The following KCMF1 variants were observed in gnomAD, a reference collection of about 807,000 sequenced individuals.
KCMF1 encodes E3 ubiquitin-protein ligase KCMF1.
In KCMF1, 3 loss-of-function variants were observed where a neutral mutation model predicts 41.1. The observed-to-expected ratio is 0.07, with a 90% CI of 0.03 to 0.19. The LOEUF is 0.19. KCMF1 is among the 10% of genes least tolerant of loss of function. KCMF1 has a pLI of 1.00. For synonymous variants in KCMF1, 142 were observed against 164.5 expected, an observed-to-expected ratio of 0.86 and a Z score of 1.04; for missense variants, 286 against 488.9, an observed-to-expected ratio of 0.58 and a Z score of 3.91.
chr2:85,015,324 T>C (rs1674744718), intron 1 of KCMF1, among the ~76,000 whole-genome samples: 1 of 152,144 alleles, frequency 6.6e-6, no homozygotes, highest in Admixed American at 6.5e-5. Flanking sequence ...TCCCAGGCAC[T>C]CTTTATCCAC....
chr2:85,050,191 A>G (rs543789149), intron 6 of KCMF1, among the ~76,000 whole-genome samples: 24 of 152,302 alleles, frequency 1.6e-4, no homozygotes, highest in Admixed American at 4.6e-4. Context: ...ATATATCATC[A>G]TATAATATGA....
chr2:85,017,234 G>A lies in KCMF1; in HGVS notation c.17-10655G>A, dbSNP rs1174315655. 2.6e-5 allele frequency among the ~76,000 whole-genome samples: 4 copies of A among 151,676 alleles called. No individual in the cohort carries two copies. The South Asian group carries it at 6.3e-4, about 24-fold the overall frequency. ...GTAGAGACGGGGTTTCACCTTGTTA[G>A]CCAGGATGGTCTCGATCTCCTGACC... On this transcript the variant is annotated intron_variant, in intron 1 of 6. Coordinates refer to ENST00000409785, the MANE Select transcript of KCMF1 (RefSeq NM_020122.5).
At chr2:85,006,043 G>C (rs1014965430) in intron 1 of KCMF1, among the ~76,000 whole-genome samples, 16 of 152,034 alleles carry the variant, frequency 1.1e-4, no homozygotes, top group African/African-American at 3.4e-4. Flanking sequence ...TCACATATCA[G>C]TTCCTATTTT....
At chr2:85,028,524 C>T (rs1354280150) in intron 2 of KCMF1, among the ~76,000 whole-genome samples, 3 of 108,056 alleles carry the variant, frequency 2.8e-5, no homozygotes, top group African/African-American at 1.1e-4. Context: ...GAGTCTTACC[C>T]TGTCGCCTAG....
intron 3 of KCMF1, among the ~76,000 whole-genome samples, chr2:85,038,304 T>A (rs1358717433): frequency 2.0e-5 from 3 of 152,238 alleles, no homozygotes; most frequent in African/African-American, 7.2e-5. Flanking sequence ...TTGAACAGTA[T>A]GCTCACTCAA....
chr2:85,049,100 A>T (rs1171741834), intron 5 of KCMF1, among the ~76,000 whole-genome samples: 1 of 152,230 alleles, frequency 6.6e-6, no homozygotes, highest in East Asian at 1.9e-4. Flanking sequence ...TTAGTCTATT[A>T]TGCAAATAAT....
intron 1 of KCMF1, among the ~76,000 whole-genome samples, chr2:85,027,366 C>CTTTTTTT (rs934531367): frequency 3.0e-5 from 2 of 65,742 alleles, no homozygotes; most frequent in Non-Finnish European, 5.8e-5. Flanking sequence ...CTTATCAAGG[C>CTTTTTTT]TTTTTTTTTT....
At chr2:84,978,445 A>G (rs564214819) in intron 1 of KCMF1, among the ~76,000 whole-genome samples, 4 of 151,820 alleles carry the variant, frequency 2.6e-5, no homozygotes, top group African/African-American at 7.2e-5. Context: ...CAAAACATCA[A>G]CTTTATGATA....
Position 85,053,174 on chromosome 2 carries a change from C to G in KCMF1, c.911C>G (p.Thr304Arg). 1 of 1,613,626 alleles carries G rather than the reference C, an allele frequency of 6.2e-7. No homozygotes were observed. The highest frequency in any genetic ancestry group is 8.5e-7 in the Non-Finnish European group (1 of 1,179,740). ...TRLNDPKMSE[T>R]ERQSMESERA... ...TTGAATGATCCTAAAATGTCTGAAACGGAGCGCCAGTCCATGGAAAGCGAG... is the reference window on the plus strand; with the variant it reads ...TTGAATGATCCTAAAATGTCTGAAAGGGAGCGCCAGTCCATGGAAAGCGAG... The change falls in exon 7 of 7, where the codon ACG becomes AGG. Residue 304 changes from threonine (T) to arginine (R), a missense_variant. Physicochemically the swap from Thr to Arg is moderately conservative, Grantham distance 71. Coordinates refer to ENST00000409785, the MANE Select transcript of KCMF1 (RefSeq NM_020122.5).
intron 3 of KCMF1, among the ~76,000 whole-genome samples, chr2:85,035,693 G>A (rs1370647796): frequency 6.6e-6 from 1 of 152,118 alleles, no homozygotes; most frequent in Non-Finnish European, 1.5e-5. Context: ...AGTGGCTAAA[G>A]GCCATGGACC....
At chr2:85,052,185 T>G (rs1212631463) in intron 6 of KCMF1, among the ~76,000 whole-genome samples, 1 of 152,198 alleles carries the variant, frequency 6.6e-6, no homozygotes, top group Non-Finnish European at 1.5e-5. Flanking sequence ...TTCTCCTACT[T>G]CAGCCTCCCG....
At chr2:85,022,909 G>A (rs62162797) in intron 1 of KCMF1, among the ~76,000 whole-genome samples, 1 of 95,524 alleles carries the variant, frequency 1.0e-5, no homozygotes, top group East Asian at 3.1e-4. Flanking sequence ...TTTTTTTTGA[G>A]ACGGAGTCTC....
At chr2:84,974,343 C>T (rs924204699) in intron 1 of KCMF1, among the ~76,000 whole-genome samples, 2 of 152,018 alleles carry the variant, frequency 1.3e-5, no homozygotes, top group Non-Finnish European at 2.9e-5. Flanking sequence ...TTTGTACCCA[C>T]CCTAATGAAT....
chr2:84,977,762 A>G (rs1230746125), intron 1 of KCMF1, among the ~76,000 whole-genome samples: 1 of 152,110 alleles, frequency 6.6e-6, no homozygotes, highest in African/African-American at 2.4e-5. Context: ...ATTTACCTTG[A>G]CTTTCAATAG....
intron 1 of KCMF1, among the ~76,000 whole-genome samples, chr2:85,020,931 A>G (rs1278482965): frequency 1.3e-5 from 2 of 152,078 alleles, no homozygotes; most frequent in African/African-American, 4.8e-5. Flanking sequence ...GTGCAGTTGT[A>G]TGATCATAGC....
intron 3 of KCMF1, among the ~76,000 whole-genome samples, chr2:85,036,518 G>C (rs1379435548): frequency 6.6e-6 from 1 of 152,118 alleles, no homozygotes; most frequent in Admixed American, 6.6e-5. Context: ...TTATTAGACT[G>C]TGCACAGTGA....
intron 4 of KCMF1, among the ~76,000 whole-genome samples, chr2:85,044,691 A>AT (rs945570601): frequency 3.3e-5 from 5 of 151,230 alleles, no homozygotes; most frequent in East Asian, 1.9e-4. Context: ...CAATTTTTGT[A>AT]TTTTTTTAGT....
At position 84,985,037 on chromosome 2, in the gene KCMF1, G is replaced by A. The variant is rs181680738; in HGVS notation, c.16+13570G>A. ...GTCAGGAAAAGCCTATCTGAAGATG[G>A]ACATTTAAGGAAAAGCCATAGTTAA... On this transcript the variant is annotated intron_variant, in intron 1 of 6. Transcript: ENST00000409785. Among the ~76,000 whole-genome samples the A allele has an allele frequency of 1.1e-3, 162 of 151,952 alleles. 1 individual carries two copies. Among genetic ancestry groups the A allele is most frequent in the African/African-American group, 3.7e-3 (154 of 41,460 alleles).
intron 1 of KCMF1, 65 bp from the exon 2 acceptor site, chr2:85,027,824 T>G (rs1675151002): frequency 1.0e-6 from 1 of 980,464 alleles, no homozygotes; most frequent in Non-Finnish European, 1.5e-6. Flanking sequence ...CCTGAAACAT[T>G]CATAAAAATG....
Sources: gnomAD v4.1 joint callset for allele counts (sites outside exome capture counted in the v4.1 genomes callset) on GRCh38, gnomAD v4.1.1 for gene constraint, MANE v1.5 for transcripts, NCBI Gene and HGNC (gene_info 2026-07-23, HGNC 2026-07-21) for gene names.